Variants in CSMD3 observed in about 807,000 individuals in gnomAD.
CSMD3 encodes the protein CUB and Sushi multiple domains 3, also known as CUB and sushi domain-containing protein 3.
A neutral mutation model predicts 435.2 loss-of-function variants in CSMD3; 177 were observed. The ratio of observed to expected loss-of-function variants is 0.41; its 90% confidence interval spans 0.36 to 0.46. The LOEUF is 0.46. Among genes scored for constraint, CSMD3 ranks in the 20% least tolerant of loss-of-function variants. The pLI, the probability that CSMD3 is intolerant of heterozygous loss-of-function variation, is 0.34. For missense variants in CSMD3, 4,265 were observed against 4,504.6 expected (o/e 0.95, Z 1.52); for synonymous variants, 1,656 against 1,520.5 (o/e 1.09, Z -2.07).
chr8:112,422,076 G>A (rs150561150), intron 32 of CSMD3, among the ~76,000 whole-genome samples: 176 of 152,212 alleles, frequency 1.2e-3, no homozygotes, highest in African/African-American at 3.9e-3. Flanking sequence ...ATCCTATAGA[G>A]CATGGCATCA....
chr8:112,573,026 A>C (rs549118063), intron 24 of CSMD3, among the ~76,000 whole-genome samples: 1 of 152,214 alleles, frequency 6.6e-6, no homozygotes, highest in South Asian at 2.1e-4. Context: ...ATTTGTTATA[A>C]AACAAGTCAA....
rs1829656856 is a variant in CSMD3, at chr8:112,383,472, T to C, written c.6031+95A>G. The C allele has an allele frequency of 5.4e-6, 4 of 737,586 alleles. No individual in the cohort carries two copies. The East Asian group carries it at 1.1e-4, about 20-fold the overall frequency. 45.7% of individuals were successfully genotyped at this position (737,586 alleles called of 1,614,324 possible). On this transcript the variant is annotated intron_variant, in intron 37 of 70. Coordinates refer to ENST00000297405, the MANE Select transcript of CSMD3 (RefSeq NM_198123.2). Reference sequence around the variant, plus strand: ...TGTGTATAGTTTGTAAAAAGCAAATTAAAACTACCAAGTAAGAGTTGTAGA... The same window carrying C: ...TGTGTATAGTTTGTAAAAAGCAAATCAAAACTACCAAGTAAGAGTTGTAGA...
chr8:112,897,079 G>A (rs1416221863), intron 10 of CSMD3, among the ~76,000 whole-genome samples: 1 of 151,370 alleles, frequency 6.6e-6, no homozygotes, highest in African/African-American at 2.4e-5. Context: ...TCTTTGAACT[G>A]TCACTTTAGT....
intron 10 of CSMD3, among the ~76,000 whole-genome samples, chr8:112,907,932 G>T (rs1041752078): frequency 6.6e-5 from 10 of 151,280 alleles, no homozygotes; most frequent in Non-Finnish European, 1.2e-4. Context: ...AAACAACACA[G>T]CCCACACCAG....
At chr8:112,803,997 G>T (rs1489188219) in intron 12 of CSMD3, among the ~76,000 whole-genome samples, 1 of 152,146 alleles carries the variant, frequency 6.6e-6, no homozygotes, top group Non-Finnish European at 1.5e-5. Flanking sequence ...CCACAAATAA[G>T]GGATAACTAA....
At chr8:113,067,356 G>A (rs1202800438) in intron 5 of CSMD3, among the ~76,000 whole-genome samples, 2 of 152,048 alleles carry the variant, frequency 1.3e-5, no homozygotes, top group Non-Finnish European at 2.9e-5. Flanking sequence ...AATGTCTTCA[G>A]ACTATTCATA....
At chr8:112,321,499 G>A (rs1292645008) in intron 45 of CSMD3, among the ~76,000 whole-genome samples, 2 of 152,064 alleles carry the variant, frequency 1.3e-5, no homozygotes, top group Non-Finnish European at 1.5e-5. Flanking sequence ...CATTTCAGGT[G>A]GAGGAGAAAA....
chr8:112,979,859 T>G (rs1016660894), intron 6 of CSMD3, among the ~76,000 whole-genome samples: 1 of 151,094 alleles, frequency 6.6e-6, no homozygotes, highest in Non-Finnish European at 1.5e-5. Flanking sequence ...CAATATGAAC[T>G]TATCTGAAAT....
chr8:112,654,417 A>G (rs1286008461), intron 18 of CSMD3, among the ~76,000 whole-genome samples: 1 of 152,208 alleles, frequency 6.6e-6, no homozygotes, highest in Non-Finnish European at 1.5e-5. Flanking sequence ...CTTAAAGACA[A>G]ATTTAAATAC....
chr8:112,470,282 G>A (rs1818388831), intron 32 of CSMD3, among the ~76,000 whole-genome samples: 1 of 152,100 alleles, frequency 6.6e-6, no homozygotes, highest in Non-Finnish European at 1.5e-5. Context: ...AATAATGCAT[G>A]TCATTTAATT....
intron 22 of CSMD3, among the ~76,000 whole-genome samples, chr8:112,590,275 G>T (rs1278264673): frequency 6.6e-6 from 1 of 152,054 alleles, no homozygotes; most frequent in East Asian, 1.9e-4. Context: ...AATATAGTAT[G>T]TGAAAGCATA....
chr8:112,670,717 G>A (rs542929414), intron 16 of CSMD3, among the ~76,000 whole-genome samples: 6 of 152,170 alleles, frequency 3.9e-5, no homozygotes, highest in East Asian at 1.9e-4. Flanking sequence ...TGGGAAACAC[G>A]GAACAGGGAG....
At chr8:112,752,403 T>TA in intron 13 of CSMD3, among the ~76,000 whole-genome samples, 1 of 152,196 alleles carries the variant, frequency 6.6e-6, no homozygotes, top group South Asian at 2.1e-4. Context: ...TTTTTGTTTT[T>TA]ATTCTAAATG....
intron 9 of CSMD3, among the ~76,000 whole-genome samples, chr8:112,935,515 A>G (rs1564123047): frequency 6.6e-6 from 1 of 152,070 alleles, no homozygotes; most frequent in Non-Finnish European, 1.5e-5. Context: ...CACTTTTTTC[A>G]TGAGCATGGG....
chr8:113,062,674 A>G (rs970080091), intron 5 of CSMD3, among the ~76,000 whole-genome samples: 1 of 151,806 alleles, frequency 6.6e-6, no homozygotes, highest in Non-Finnish European at 1.5e-5. Context: ...AAAATATTAC[A>G]TATTTACTTT....
chr8:113,291,806 C>T (rs370185322), intron 2 of CSMD3, among the ~76,000 whole-genome samples: 8 of 151,594 alleles, frequency 5.3e-5, no homozygotes, highest in East Asian at 3.9e-4. Flanking sequence ...GTATTCTACA[C>T]AAAAAAACTA....
chr8:112,792,730 A>T (rs761802085), intron 13 of CSMD3, among the ~76,000 whole-genome samples: 6 of 152,120 alleles, frequency 3.9e-5, no homozygotes, highest in Non-Finnish European at 8.8e-5. Context: ...ATATTGCATG[A>T]GTTAACAGTT....
chr8:112,443,337 T>C (rs2130523862), intron 32 of CSMD3, among the ~76,000 whole-genome samples: 1 of 152,290 alleles, frequency 6.6e-6, no homozygotes, highest in Non-Finnish European at 1.5e-5. Context: ...TGAGTATAAT[T>C]TGGCCAAAGT....
At chr8:112,257,594 A>G (rs1382978734) in intron 61 of CSMD3, among the ~76,000 whole-genome samples, 1 of 152,214 alleles carries the variant, frequency 6.6e-6, no homozygotes, top group African/African-American at 2.4e-5. Context: ...GGACCTCTTC[A>G]AGAAGAACTA....
Sources: gnomAD v4.1 joint callset for allele counts (sites outside exome capture counted in the v4.1 genomes callset) on GRCh38, gnomAD v4.1.1 for gene constraint, MANE v1.5 for transcripts, NCBI Gene and HGNC (gene_info 2026-07-23, HGNC 2026-07-21) for gene names.